The following SMAD1 variants were observed in gnomAD, a reference collection of about 807,000 sequenced individuals.
SMAD1 encodes SMAD family member 1.
In SMAD1, 6 loss-of-function variants were observed where a neutral mutation model predicts 41.6. The ratio of observed to expected loss-of-function variants is 0.14; its 90% confidence interval spans 0.08 to 0.28. SMAD1 has a LOEUF of 0.28. SMAD1 is among the 10% of genes least tolerant of loss of function. The pLI is 1.00. For missense variants in SMAD1, 379 were observed against 582.6 expected (o/e 0.65, Z 3.60); for synonymous variants, 206 against 203.2 (o/e 1.01, Z -0.12).
At chr4:145,485,732 T>C (rs1050879681) in intron 1 of SMAD1, among the ~76,000 whole-genome samples, 2 of 152,254 alleles carry the variant, frequency 1.3e-5, no homozygotes, top group Non-Finnish European at 2.9e-5. Flanking sequence ...TATTTATTAT[T>C]AGTGTCATCG....
At chr4:145,502,126 A>G (rs1729480434) in intron 1 of SMAD1, among the ~76,000 whole-genome samples, 1 of 152,206 alleles carries the variant, frequency 6.6e-6, no homozygotes, top group Admixed American at 6.5e-5. Flanking sequence ...ATAGTCAATA[A>G]AATTAAATCT....
intron 2 of SMAD1, among the ~76,000 whole-genome samples, chr4:145,530,473 A>G (rs1731261564): frequency 1.3e-5 from 2 of 152,346 alleles, no homozygotes; most frequent in Non-Finnish European, 1.5e-5. Context: ...TGTGGTATAC[A>G]AAAAGAATCA....
Position 145,494,984 on chromosome 4 carries a change from G to A in SMAD1, c.-177+12946G>A, listed in dbSNP as rs1455010274. 2.6e-5 allele frequency among the ~76,000 whole-genome samples: 4 copies of A among 152,242 alleles called. No homozygotes were observed. The South Asian group carries it at 8.3e-4, about 32-fold the overall frequency. ...AAGAATCAGCAGTTCTGTGAATCCC[G>A]GAGTCTGCAAATGAGTTATAGAAAG... On this transcript the variant is annotated intron_variant, in intron 1 of 6. Coordinates refer to ENST00000302085, the MANE Select transcript of SMAD1 (RefSeq NM_005900.3).
At chr4:145,519,557 A>G (rs573184784) in intron 2 of SMAD1, among the ~76,000 whole-genome samples, 199 of 151,514 alleles carry the variant, frequency 1.3e-3, no homozygotes, top group Middle Eastern at 3.4e-3. Flanking sequence ...CAGAAGCTAA[A>G]TCAGGAGGAT....
In SMAD1 at chr4:145,557,822, T is replaced by C; in HGVS notation, c.1286T>C (p.Val429Ala). 1 of 1,611,186 alleles carries C rather than the reference T, an allele frequency of 6.2e-7. No individual in the cohort carries two copies. The highest frequency in any genetic ancestry group is 8.5e-7 in the Non-Finnish European group (1 of 1,178,114). The change falls in exon 7 of 7, where the codon GTT (valine) becomes GCT (alanine). Residue 429 changes from valine to alanine, a missense_variant. Around this residue, in one of 3 missense-constraint regions of SMAD1, gnomAD observed 107 missense variants for 218.3 expected, o/e 0.49. Transcript: ENST00000302085. The stretch of plus-strand genomic sequence containing the variant: ...GGAGCAGAATACCACCGCCAGGATG[T>C]TACTAGCACCCCCTGCTGGATTGAG... ...GWGAEYHRQD[V>A]TSTPCWIEIH... is the part of the protein sequence containing the mutation.
At chr4:145,500,455 A>G (rs191852559) in intron 1 of SMAD1, among the ~76,000 whole-genome samples, 78 of 152,160 alleles carry the variant, frequency 5.1e-4, no homozygotes, top group Middle Eastern at 3.4e-3. Context: ...ATTCTTGCCA[A>G]ATGGCTCAAA....
rs146479403 is a variant in SMAD1, at chr4:145,515,259, G to A, written c.400+246G>A. Among the ~76,000 whole-genome samples, 564 of 151,620 alleles carry A rather than the reference G, an allele frequency of 3.7e-3. 3 individuals carry two copies. Among genetic ancestry groups the A allele is most frequent in the African/African-American group, 0.013 (532 of 41,308 alleles). On this transcript the variant is annotated intron_variant, in intron 2 of 6. Transcript: ENST00000302085. ...TCATCTCTAGTTAACATTATGTCTTGGGAGCAGGCTATGACAATTGTCATT... is the reference window on the plus strand; with the variant it reads ...TCATCTCTAGTTAACATTATGTCTTAGGAGCAGGCTATGACAATTGTCATT...
At chr4:145,511,695 G>A (rs1010595963) in intron 1 of SMAD1, among the ~76,000 whole-genome samples, 1 of 152,106 alleles carries the variant, frequency 6.6e-6, no homozygotes, top group Non-Finnish European at 1.5e-5. Context: ...CCATGGCCTG[G>A]ATAACACAAG....
intron 1 of SMAD1, among the ~76,000 whole-genome samples, chr4:145,485,315 G>A (rs1728429657): frequency 6.6e-6 from 1 of 152,140 alleles, no homozygotes; most frequent in South Asian, 2.1e-4. Flanking sequence ...GGCTCAAGCT[G>A]TTCTCCCGCC....
chr4:145,524,055 A>G (rs1461354782), intron 2 of SMAD1, among the ~76,000 whole-genome samples: 1 of 152,188 alleles, frequency 6.6e-6, no homozygotes, highest in African/African-American at 2.4e-5. Flanking sequence ...ATGAGCTACC[A>G]TGCTCAGTCT....
intron 1 of SMAD1, chr4:145,513,357 G>T (rs1428466674): frequency 6.6e-6 from 1 of 152,140 alleles, no homozygotes; most frequent in Non-Finnish European, 1.5e-5. Context: ...GGTCTGATAC[G>T]TGCTACTCCA....
At chr4:145,490,857 A>T (rs1207645434) in intron 1 of SMAD1, among the ~76,000 whole-genome samples, 1 of 152,246 alleles carries the variant, frequency 6.6e-6, no homozygotes, top group Non-Finnish European at 1.5e-5. Context: ...TAAAAAAATA[A>T]GTATTGTATT....
At chr4:145,509,376 A>C (rs1729955620) in intron 1 of SMAD1, among the ~76,000 whole-genome samples, 1 of 152,150 alleles carries the variant, frequency 6.6e-6, no homozygotes, top group African/African-American at 2.4e-5. Flanking sequence ...TTGTTGAATG[A>C]ATGTCGATTT....
chr4:145,553,332 G>C (rs754918563), intron 5 of SMAD1, among the ~76,000 whole-genome samples: 6 of 151,984 alleles, frequency 3.9e-5, no homozygotes, highest in African/African-American at 4.8e-5. Flanking sequence ...AGTCTTTTTG[G>C]CACCAGGGAC....
chr4:145,483,109 G>C lies in SMAD1; in HGVS notation c.-177+1071G>C, dbSNP rs77768129. ...TTAAATACACGGTGCAAGATAACCA[G>C]TAAAGGCGCGTTCCTTCTGAAAATT... On this transcript the variant is annotated intron_variant, in intron 1 of 6. Coordinates refer to ENST00000302085, the MANE Select transcript of SMAD1 (RefSeq NM_005900.3). 337 of 152,302 alleles carry C rather than the reference G, an allele frequency of 2.2e-3. 2 individuals are homozygous for C. The highest frequency in any genetic ancestry group is 7.8e-3 in the African/African-American group (323 of 41,554). The allele number at this position is 152,302 out of a possible 1,614,324, so 9.4% of individuals were successfully genotyped here.
At chr4:145,503,021 T>A (rs187612402) in intron 1 of SMAD1, 1 of 152,340 alleles carries the variant, frequency 6.6e-6, no homozygotes, top group Admixed American at 6.5e-5. Flanking sequence ...CATTATTGCA[T>A]CACTATAAAT....
In SMAD1 at chr4:145,554,000, A is replaced by G; in HGVS notation, c.1214A>G (p.Glu405Gly). 6.2e-7 allele frequency: 1 copy of G among 1,613,666 alleles called. No individual in the cohort carries two copies. The highest frequency in any genetic ancestry group is 8.5e-7 in the Non-Finnish European group (1 of 1,179,956). The stretch of plus-strand genomic sequence containing the variant: ...AACCATGGATTTGAGACAGTCTATG[A>G]GCTTACAAAAATGTGTACTATACGT... The part of the protein sequence containing the change: ...SVNHGFETVY[E>G]LTKMCTIRMS... The change falls in exon 6 of 7, where the codon GAG becomes GGG. Residue 405 changes from glutamate to glycine, a missense_variant. This residue lies in a region of SMAD1 where 107 missense variants were observed against 218.3 expected (regional missense o/e 0.49). Coordinates refer to ENST00000302085, the MANE Select transcript of SMAD1 (RefSeq NM_005900.3).
chr4:145,544,653 T>C (rs185640793), intron 4 of SMAD1: 1 of 152,216 alleles, frequency 6.6e-6, no homozygotes, highest in Non-Finnish European at 1.5e-5. Flanking sequence ...TGTCATAAAT[T>C]GGAATGTACA....
intron 1 of SMAD1, among the ~76,000 whole-genome samples, chr4:145,500,772 T>G (rs1255173286): frequency 6.6e-6 from 1 of 152,230 alleles, no homozygotes; most frequent in African/African-American, 2.4e-5. Context: ...AAAACTAGAC[T>G]GTAAACCTCA....
Sources: allele counts gnomAD v4.1 joint callset (sites outside exome capture counted in the v4.1 genomes callset), GRCh38; gene constraint gnomAD v4.1.1; regional missense constraint gnomAD v4.1.1; transcripts MANE v1.5; gene names NCBI Gene and HGNC (gene_info 2026-07-23, HGNC 2026-07-21).